ADAMTS17: variants seen among roughly 807,000 people sequenced by gnomAD.
The protein encoded by ADAMTS17 is A disintegrin and metalloproteinase with thrombospondin motifs 17.
ADAMTS17 carries 113 observed loss-of-function variants against 141.5 expected under a neutral mutation model. That is an observed-to-expected ratio of 0.80 (90% CI 0.69 to 0.93). The LOEUF is 0.93. Ranked by LOEUF, ADAMTS17 falls within the 40% of genes least tolerant of loss-of-function variation. ADAMTS17 has a pLI of 0.00. For missense variants in ADAMTS17, 1,659 were observed against 1,517.9 expected (o/e 1.09, Z -1.54); for synonymous variants, 768 against 630.6 (o/e 1.22, Z -3.27).
chr15:100,232,647 A>G (rs2141853730), intron 7 of ADAMTS17, among the ~76,000 whole-genome samples: 1 of 152,354 alleles, frequency 6.6e-6, no homozygotes, highest in African/African-American at 2.4e-5. Flanking sequence ...ACACCAAGTC[A>G]CCAGAACTGA....
intron 15 of ADAMTS17, among the ~76,000 whole-genome samples, chr15:100,093,606 T>C (rs1383329759): frequency 3.9e-5 from 6 of 152,040 alleles, no homozygotes; most frequent in Non-Finnish European, 5.9e-5. Context: ...CAGCCTGAAG[T>C]GTCCTCCCCC....
chr15:100,020,542 C>T (rs2061386884), intron 18 of ADAMTS17, among the ~76,000 whole-genome samples: 1 of 152,170 alleles, frequency 6.6e-6, no homozygotes, highest in Admixed American at 6.5e-5. Context: ...CTGACTCCCC[C>T]AGAGCCATCA....
chr15:100,167,738 T>C (rs2040005716), intron 8 of ADAMTS17, among the ~76,000 whole-genome samples: 1 of 152,220 alleles, frequency 6.6e-6, no homozygotes, highest in Non-Finnish European at 1.5e-5. Flanking sequence ...TATGGCGAAA[T>C]TCAATGCGGC....
chr15:100,043,761 C>T (rs1040409838), intron 18 of ADAMTS17, among the ~76,000 whole-genome samples: 1 of 152,250 alleles, frequency 6.6e-6, no homozygotes. Context: ...TTGCTGACCC[C>T]TGTTCTACGG....
chr15:100,062,618 G>T (rs916241287), intron 15 of ADAMTS17, among the ~76,000 whole-genome samples: 1 of 152,184 alleles, frequency 6.6e-6, no homozygotes, highest in East Asian at 1.9e-4. Flanking sequence ...AGACAAAGAT[G>T]TCATTTTAAA....
chr15:100,292,626 A>C (rs1382890687), intron 3 of ADAMTS17, among the ~76,000 whole-genome samples: 2 of 152,256 alleles, frequency 1.3e-5, no homozygotes, highest in Non-Finnish European at 2.9e-5. Flanking sequence ...CCCCATGTGC[A>C]CAGAACTGCC....
chr15:100,226,202 CA>C (rs1339665055), intron 7 of ADAMTS17, among the ~76,000 whole-genome samples: 1 of 152,246 alleles, frequency 6.6e-6, no homozygotes, highest in African/African-American at 2.4e-5. Flanking sequence ...TCAGAGCAGT[CA>C]TGGTCTGTGT....
At chr15:100,116,140 A>AC (rs1376455829) in intron 13 of ADAMTS17, among the ~76,000 whole-genome samples, 3 of 148,998 alleles carry the variant, frequency 2.0e-5, no homozygotes, top group African/African-American at 7.6e-5. Flanking sequence ...GGTAAAAAAA[A>AC]AAAAAAAAAA....
At position 100,341,359 on chromosome 15, in the gene ADAMTS17, G is replaced by A; in HGVS notation, c.130C>T (p.Arg44Cys). 9.8e-7 allele frequency: 1 copy of A among 1,018,116 alleles called. No individual in the cohort carries two copies. Among genetic ancestry groups the A allele is most frequent in the Non-Finnish European group, 1.2e-6 (1 of 853,378 alleles). The allele number at this position is 1,018,116 out of a possible 1,614,324, so 63.1% of individuals were successfully genotyped here. A position where few individuals can be genotyped will look rare whatever the true frequency, so the allele number is the denominator to read the frequency against. ...DVEVVLPWRV[R>C]PDDVHLPPLP... is the part of the protein sequence containing the mutation. ...GGCGGCAGGTGCACGTCGTCGGGGCGCACCCGCCACGGGAGCACCACCTCC... is the reference window on the plus strand; with the variant it reads ...GGCGGCAGGTGCACGTCGTCGGGGCACACCCGCCACGGGAGCACCACCTCC... Residue 44 changes from arginine (R) to cysteine (C), a missense_variant, in exon 2 of 22, where the codon CGC (arginine) becomes TGC (cysteine). By Grantham distance (180) the Arg-to-Cys change is radical (BLOSUM62 -3). Transcript: ENST00000268070.
intron 4 of ADAMTS17, among the ~76,000 whole-genome samples, chr15:100,264,832 G>A (rs902482975): frequency 4.6e-5 from 7 of 152,104 alleles, no homozygotes; most frequent in African/African-American, 1.4e-4. Context: ...AAAATGGGAA[G>A]GTGTTTAATG....
chr15:100,016,621 G>A (rs547002105), intron 18 of ADAMTS17, among the ~76,000 whole-genome samples: 1 of 152,322 alleles, frequency 6.6e-6, no homozygotes, highest in Admixed American at 6.5e-5. Flanking sequence ...GAACTGAAGT[G>A]ATTGCTGTCT....
chr15:100,019,675 C>T (rs954389583), intron 18 of ADAMTS17, among the ~76,000 whole-genome samples: 40 of 152,314 alleles, frequency 2.6e-4, no homozygotes, highest in African/African-American at 7.5e-4. Context: ...CTGCAATCTC[C>T]TGATTTAAAA....
At chr15:100,181,973 G>T (rs2040540938) in intron 8 of ADAMTS17, among the ~76,000 whole-genome samples, 1 of 152,224 alleles carries the variant, frequency 6.6e-6, no homozygotes, top group South Asian at 2.1e-4. Context: ...CGAAGGCGAG[G>T]CCTGCCAAAA....
intron 7 of ADAMTS17, among the ~76,000 whole-genome samples, chr15:100,224,027 G>A (rs546532770): frequency 1.3e-5 from 2 of 152,122 alleles, no homozygotes; most frequent in East Asian, 1.9e-4. Context: ...TCCTTTTCAC[G>A]TTTTTCTTAT....
chr15:100,213,707 A>C (rs2041880661), intron 7 of ADAMTS17, among the ~76,000 whole-genome samples: 1 of 152,216 alleles, frequency 6.6e-6, no homozygotes, highest in Non-Finnish European at 1.5e-5. Flanking sequence ...ATCCCTTCCA[A>C]GGCTGATCCA....
At chr15:100,208,925 C>T (rs1362717763) in intron 7 of ADAMTS17, among the ~76,000 whole-genome samples, 1 of 152,090 alleles carries the variant, frequency 6.6e-6, no homozygotes, top group Non-Finnish European at 1.5e-5. Context: ...ACCTGTATCA[C>T]TCGTATTTCT....
chr15:100,040,745 T>C (rs1179302628), intron 18 of ADAMTS17, among the ~76,000 whole-genome samples: 1 of 151,846 alleles, frequency 6.6e-6, no homozygotes, highest in Non-Finnish European at 1.5e-5. Flanking sequence ...TTAATTTAGA[T>C]AAATAAGGTA....
intron 18 of ADAMTS17, among the ~76,000 whole-genome samples, chr15:100,023,969 A>C (rs190386259): frequency 6.6e-6 from 1 of 152,262 alleles, no homozygotes; most frequent in East Asian, 1.9e-4. Flanking sequence ...ACATGATCCT[A>C]GTCTTTCTTC....
chr15:99,984,722 C>T (rs996880363), intron 20 of ADAMTS17, among the ~76,000 whole-genome samples: 11 of 152,216 alleles, frequency 7.2e-5, no homozygotes, highest in African/African-American at 2.7e-4. Context: ...GGGTTGTGAA[C>T]CTGTGTTGTC....
Sources: gnomAD v4.1 joint callset for allele counts (sites outside exome capture counted in the v4.1 genomes callset) on GRCh38, gnomAD v4.1.1 for gene constraint, MANE v1.5 for transcripts, NCBI Gene and HGNC (gene_info 2026-07-23, HGNC 2026-07-21) for gene names.